B3GLCT: variants seen among roughly 807,000 people sequenced by gnomAD.
B3GLCT encodes beta 3-glucosyltransferase.
Under a neutral mutation model 63.4 loss-of-function variants are expected in B3GLCT, and 65 were observed. That is an observed-to-expected ratio of 1.03 (90% CI 0.84 to 1.26). The LOEUF (loss-of-function observed/expected upper bound fraction) is 1.26, where lower values mean the gene tolerates loss of function less well. Ranked by LOEUF, B3GLCT falls within the 50% of genes most tolerant of loss-of-function variation. B3GLCT has a pLI of 0.00. For synonymous variants in B3GLCT, 233 were observed against 219.2 expected, an observed-to-expected ratio of 1.06 and a Z score of -0.55; for missense variants, 577 against 604.8, an observed-to-expected ratio of 0.95 and a Z score of 0.48.
intron 12 of B3GLCT, among the ~76,000 whole-genome samples, chr13:31,310,061 C>G (rs1412376225): frequency 2.0e-5 from 3 of 152,130 alleles, no homozygotes; most frequent in Non-Finnish European, 4.4e-5. Flanking sequence ...TCAAGCCAGG[C>G]TATCAGCTCA....
At chr13:31,229,770 C>A (rs1284829576) in intron 4 of B3GLCT, among the ~76,000 whole-genome samples, 18 of 148,536 alleles carry the variant, frequency 1.2e-4, no homozygotes, top group Admixed American at 5.4e-4. Context: ...AGGAAAAAAA[C>A]GTTTTGGTTA....
intron 6 of B3GLCT, among the ~76,000 whole-genome samples, chr13:31,256,023 G>A (rs1871720377): frequency 6.6e-6 from 1 of 152,152 alleles, no homozygotes; most frequent in South Asian, 2.1e-4. Flanking sequence ...CAGAATGGGA[G>A]AAAATTTTTG....
intron 4 of B3GLCT, among the ~76,000 whole-genome samples, chr13:31,240,298 T>C (rs1162519564): frequency 6.6e-6 from 1 of 152,172 alleles, no homozygotes; most frequent in Admixed American, 6.5e-5. Flanking sequence ...ATGTAGCTTT[T>C]GAAGAGAACT....
At chr13:31,260,636 C>T (rs977033348) in intron 6 of B3GLCT, among the ~76,000 whole-genome samples, 1 of 151,850 alleles carries the variant, frequency 6.6e-6, no homozygotes, top group Non-Finnish European at 1.5e-5. Flanking sequence ...TTTTCTTTGC[C>T]CTAATAGTCT....
chr13:31,245,004 G>C (rs1297704021), intron 4 of B3GLCT, among the ~76,000 whole-genome samples: 1 of 152,028 alleles, frequency 6.6e-6, no homozygotes, highest in Non-Finnish European at 1.5e-5. Context: ...AAATTTGACT[G>C]ATCTTGTGTT....
chr13:31,285,604 TAAA>T lies in B3GLCT; in HGVS notation c.964+867_964+869del, dbSNP rs11339832. Among the ~76,000 whole-genome samples the T allele has an allele frequency of 5.1e-3, 428 of 84,200 alleles. 6 individuals carry two copies. The highest frequency in any genetic ancestry group is 0.014 in the African/African-American group (306 of 22,544). 55.2% of individuals were successfully genotyped at this position (84,200 alleles called of 152,430 possible). A position where few individuals can be genotyped will look rare whatever the true frequency, so the allele number is the denominator to read the frequency against. On this transcript the variant is annotated intron_variant, in intron 11 of 14. Transcript: ENST00000343307. Reference sequence around the variant, plus strand: ...TTTGTTCCCCATGCCCTTTTATGAGTAAAAAAAAAAAAAAAAAAAAAAAAAAGT... The same window carrying T: ...TTTGTTCCCCATGCCCTTTTATGAGTAAAAAAAAAAAAAAAAAAAAAAAGT...
At chr13:31,295,545 T>C (rs1014223774) in intron 12 of B3GLCT, among the ~76,000 whole-genome samples, 1 of 152,196 alleles carries the variant, frequency 6.6e-6, no homozygotes, top group Non-Finnish European at 1.5e-5. Context: ...GCAGTCTGGC[T>C]ACAGCAGCTT....
At chr13:31,286,921 C>T (rs994677536) in intron 12 of B3GLCT, 102 bp downstream of exon 12, 16 of 768,396 alleles carry the variant, frequency 2.1e-5, no homozygotes, top group East Asian at 5.4e-5. Context: ...GTAACGGGGA[C>T]GGGGTTTACC....
chr13:31,217,727 G>A (rs960009353), intron 2 of B3GLCT, among the ~76,000 whole-genome samples: 8 of 152,118 alleles, frequency 5.3e-5, no homozygotes, highest in Non-Finnish European at 7.4e-5. Flanking sequence ...TTTTGTCAAA[G>A]ATCAGATGGT....
intron 12 of B3GLCT, among the ~76,000 whole-genome samples, chr13:31,305,478 A>T (rs1483246248): frequency 1.5e-3 from 6 of 3,942 alleles, no homozygotes; most frequent in African/African-American, 4.4e-3. Flanking sequence ...TAGACACAAT[A>T]AAAAATGATA....
intron 12 of B3GLCT, among the ~76,000 whole-genome samples, chr13:31,293,393 C>T (rs1873774778): frequency 6.6e-6 from 1 of 152,132 alleles, no homozygotes; most frequent in African/African-American, 2.4e-5. Context: ...CTAATATTGA[C>T]AGTGGGGTGT....
At chr13:31,289,010 A>T (rs548122027) in intron 12 of B3GLCT, among the ~76,000 whole-genome samples, 1 of 152,094 alleles carries the variant, frequency 6.6e-6, no homozygotes, top group Non-Finnish European at 1.5e-5. Context: ...TGAATTCAAG[A>T]TGTGAATGAG....
intron 12 of B3GLCT, among the ~76,000 whole-genome samples, chr13:31,287,349 G>A (rs1347156225): frequency 6.6e-6 from 1 of 152,288 alleles, no homozygotes; most frequent in East Asian, 1.9e-4. Context: ...AGGGAATTGT[G>A]CCTGACACTC....
chr13:31,286,911 G>C (rs1338255602), intron 12 of B3GLCT, 92 bp downstream of exon 12: 2 of 845,808 alleles, frequency 2.4e-6, no homozygotes, highest in East Asian at 5.3e-5. Flanking sequence ...CCAAGATGAA[G>C]TAACGGGGAC....
chr13:31,223,487 G>A (rs1441801972), intron 3 of B3GLCT, among the ~76,000 whole-genome samples: 2 of 152,140 alleles, frequency 1.3e-5, no homozygotes, highest in Non-Finnish European at 2.9e-5. Context: ...CGAGCATCCT[G>A]GCCTGGAAGC....
chr13:31,247,779 C>T lies in B3GLCT; in HGVS notation c.348-76C>T, dbSNP rs548683413. On this transcript the variant is annotated intron_variant, in intron 5 of 14. Transcript: ENST00000343307. ...CATTCTGTGTACCCTTCATTCACTT[C>T]CTACTGATCAGTTTTAAACCTTATT... The T allele has an allele frequency of 6.6e-6, 5 of 754,356 alleles. No individual in the cohort carries two copies. In the South Asian group the frequency reaches 7.4e-5, roughly 11 times the overall value. The allele number at this position is 754,356 out of a possible 1,614,324, so 46.7% of individuals were successfully genotyped here.
Position 31,276,891 on chromosome 13 carries a change from A to G in B3GLCT, c.850+120A>G. 3.9e-6 allele frequency: 3 copies of G among 769,964 alleles called. No individual in the cohort carries two copies. In the Admixed American group the frequency reaches 6.1e-5, roughly 16 times the overall value. 47.7% of individuals were successfully genotyped at this position (769,964 alleles called of 1,614,324 possible). A position where few individuals can be genotyped will look rare whatever the true frequency, so the allele number is the denominator to read the frequency against. On this transcript the variant is annotated intron_variant, in intron 10 of 14. Coordinates refer to ENST00000343307, the MANE Select transcript of B3GLCT (RefSeq NM_194318.4). The stretch of plus-strand genomic sequence containing the variant: ...GGGATAATGACAATTCGGATGTTGA[A>G]GTGAAAGCAGTTATTTAATCAATAC...
intron 6 of B3GLCT, among the ~76,000 whole-genome samples, chr13:31,259,378 G>C (rs1871903178): frequency 6.6e-6 from 1 of 151,994 alleles, no homozygotes; most frequent in Non-Finnish European, 1.5e-5. Context: ...TAATCTTCTG[G>C]GTTGTAGATG....
intron 11 of B3GLCT, among the ~76,000 whole-genome samples, chr13:31,285,317 G>C (rs1646639836): frequency 6.6e-6 from 1 of 152,142 alleles, no homozygotes; most frequent in Non-Finnish European, 1.5e-5. Flanking sequence ...AGGTGGGAGA[G>C]TAGAAGAGGG....
Sources: gnomAD v4.1 joint callset for allele counts (sites outside exome capture counted in the v4.1 genomes callset) on GRCh38, gnomAD v4.1.1 for gene constraint, MANE v1.5 for transcripts, NCBI Gene and HGNC (gene_info 2026-07-23, HGNC 2026-07-21) for gene names.